PDGFD: variants seen among roughly 807,000 people sequenced by gnomAD.
The protein encoded by PDGFD is platelet derived growth factor D.
PDGFD carries 30 observed loss-of-function variants against 44.7 expected under a neutral mutation model. The observed-to-expected ratio is 0.67, with a 90% CI of 0.50 to 0.91. The LOEUF (loss-of-function observed/expected upper bound fraction) is 0.91. PDGFD is among the 40% of genes least tolerant of loss of function. The pLI is 0.00. For missense variants in PDGFD, 445 were observed against 457.8 expected, an observed-to-expected ratio of 0.97 and a Z score of 0.25; for synonymous variants, 173 against 168.4, an observed-to-expected ratio of 1.03 and a Z score of -0.21.
intron 1 of PDGFD, among the ~76,000 whole-genome samples, chr11:104,071,357 TTGTGTGTATATATATTTGTGTGTGCA>T (rs1455496800): frequency 6.6e-6 from 1 of 151,600 alleles, no homozygotes; most frequent in Non-Finnish European, 1.5e-5. Flanking sequence ...TTATATTTCT[TTGTGTGTATATATATTTGTGTGTGCA>T]TGTGTGTATA....
chr11:104,031,456 C>T (rs1014513444), intron 1 of PDGFD, among the ~76,000 whole-genome samples: 1 of 152,156 alleles, frequency 6.6e-6, no homozygotes, highest in South Asian at 2.1e-4. Context: ...AATCTAATAC[C>T]AGTCAGAATG....
At chr11:104,126,975 T>C (rs780760625) in intron 1 of PDGFD, among the ~76,000 whole-genome samples, 2 of 152,012 alleles carry the variant, frequency 1.3e-5, no homozygotes, top group Non-Finnish European at 2.9e-5. Flanking sequence ...TATGAAGTTT[T>C]TTGAGGGTAG....
At chr11:103,911,905 G>T (rs11226062) in intron 6 of PDGFD, among the ~76,000 whole-genome samples, 69,230 of 151,188 alleles carry the variant, frequency 0.46, 15,935 homozygotes, top group South Asian at 0.49. Context: ...ATTAATAAAA[G>T]AAAGTGAGAA....
intron 3 of PDGFD, among the ~76,000 whole-genome samples, chr11:103,984,194 T>G (rs900494957): frequency 2.0e-5 from 3 of 151,580 alleles, no homozygotes; most frequent in Admixed American, 6.6e-5. Context: ...ATAAACAAAA[T>G]GTGGTATATA....
intron 1 of PDGFD, among the ~76,000 whole-genome samples, chr11:104,035,666 A>AT: frequency 6.7e-6 from 1 of 148,286 alleles, no homozygotes; most frequent in Non-Finnish European, 1.5e-5. Flanking sequence ...GGCTCAACTA[A>AT]TTTTTTTCCA....
chr11:104,002,993 G>C (rs980886603), intron 1 of PDGFD, among the ~76,000 whole-genome samples: 6 of 152,130 alleles, frequency 3.9e-5, no homozygotes, highest in African/African-American at 1.4e-4. Context: ...TTTTCTCTTT[G>C]GTCTTTTTCA....
rs186440464 is a variant in PDGFD at position 104,032,934 on chromosome 11, A to G, written c.125-32679T>C. Among the ~76,000 whole-genome samples, 114 of 152,192 alleles carry G rather than the reference A, an allele frequency of 7.5e-4. 1 individual carries two copies. Among genetic ancestry groups the G allele is most frequent in the African/African-American group, 2.6e-3 (108 of 41,540 alleles). ...TATACTTCACAAAGAATTCCTCAAGAAAAGTTTTGATAACCTCAGTTACTT... is the reference window on the plus strand; with the variant it reads ...TATACTTCACAAAGAATTCCTCAAGGAAAGTTTTGATAACCTCAGTTACTT... On this transcript the variant is annotated intron_variant, in intron 1 of 6. Transcript: ENST00000393158.
intron 1 of PDGFD, among the ~76,000 whole-genome samples, chr11:104,137,839 C>T (rs962245091): frequency 1.3e-5 from 2 of 148,300 alleles, no homozygotes; most frequent in Admixed American, 6.9e-5. Flanking sequence ...AACAGGCCCA[C>T]TTAATACCCA....
chr11:103,943,177 G>C (rs762915671), intron 5 of PDGFD, among the ~76,000 whole-genome samples: 14 of 152,054 alleles, frequency 9.2e-5, no homozygotes, highest in Non-Finnish European at 2.1e-4. Flanking sequence ...TATGTCCCTA[G>C]TCCAAAAATC....
intron 1 of PDGFD, among the ~76,000 whole-genome samples, chr11:104,017,425 A>G (rs1859875920): frequency 6.6e-6 from 1 of 152,050 alleles, no homozygotes; most frequent in Admixed American, 6.5e-5. Flanking sequence ...TTAAACCTCT[A>G]TCCATTGCAG....
At chr11:104,019,186 A>G (rs1859912127) in intron 1 of PDGFD, among the ~76,000 whole-genome samples, 1 of 152,206 alleles carries the variant, frequency 6.6e-6, no homozygotes, top group African/African-American at 2.4e-5. Flanking sequence ...ATGAGCTTTG[A>G]AAGGCTAAGG....
At chr11:104,135,088 A>G (rs937563749) in intron 1 of PDGFD, among the ~76,000 whole-genome samples, 3 of 152,224 alleles carry the variant, frequency 2.0e-5, no homozygotes, top group African/African-American at 7.2e-5. Flanking sequence ...GAAGGCAGGC[A>G]AACTGACTAA....
intron 1 of PDGFD, among the ~76,000 whole-genome samples, chr11:104,114,439 T>C (rs1861602762): frequency 1.3e-5 from 2 of 152,090 alleles, no homozygotes; most frequent in African/African-American, 2.4e-5. Context: ...CTCTATTCCG[T>C]TCCACTGATC....
chr11:104,130,705 C>T (rs1007870570), intron 1 of PDGFD, among the ~76,000 whole-genome samples: 2 of 152,118 alleles, frequency 1.3e-5, no homozygotes, highest in African/African-American at 4.8e-5. Context: ...TCATTTTTGT[C>T]ATTCAAGCTT....
At chr11:104,156,715 G>A (rs1045604865) in intron 1 of PDGFD, among the ~76,000 whole-genome samples, 2 of 152,198 alleles carry the variant, frequency 1.3e-5, no homozygotes. Context: ...TGAAGGAAAA[G>A]ACATATTATC....
chr11:103,996,219 A>G lies in PDGFD; in HGVS notation c.356T>C (p.Ile119Thr), dbSNP rs745710097. 1 of 1,611,776 alleles carries G rather than the reference A, an allele frequency of 6.2e-7. No homozygotes were observed. Among genetic ancestry groups the G allele is most frequent in the Non-Finnish European group, 8.5e-7 (1 of 1,179,030 alleles). ...CRYDFVEVED[I>T]SETSTIIRGR... ...TCTAATAATGGTACTGGTTTCGGAT[A>G]TATCTTCAACTTCCACAAAATCATA... The change falls in exon 3 of 7, where the codon ATA (isoleucine) becomes ACA (threonine). Residue 119 changes from isoleucine to threonine, a missense_variant. Transcript: ENST00000393158.
chr11:103,960,347 T>C (rs1858916664), intron 3 of PDGFD, among the ~76,000 whole-genome samples: 1 of 152,212 alleles, frequency 6.6e-6, no homozygotes, highest in Non-Finnish European at 1.5e-5. Flanking sequence ...TCTTTGGACA[T>C]GGATTTTTTT....
chr11:103,998,403 A>G (rs1332330865), intron 2 of PDGFD, among the ~76,000 whole-genome samples: 2 of 152,130 alleles, frequency 1.3e-5, no homozygotes, highest in African/African-American at 2.4e-5. Context: ...ATGGAGTTCA[A>G]TCACCAATGA....
At chr11:104,122,011 T>C (rs532339292) in intron 1 of PDGFD, among the ~76,000 whole-genome samples, 3 of 152,062 alleles carry the variant, frequency 2.0e-5, no homozygotes, top group Non-Finnish European at 4.4e-5. Context: ...ACTGGTCTTA[T>C]TGATACAAGA....
Sources: allele counts gnomAD v4.1 joint callset (sites outside exome capture counted in the v4.1 genomes callset), GRCh38; gene constraint gnomAD v4.1.1; transcripts MANE v1.5; gene names NCBI Gene and HGNC (gene_info 2026-07-23, HGNC 2026-07-21).